Variants in CHERP observed in about 807,000 individuals in gnomAD.
The protein encoded by CHERP is ERPROT 213-21.
Under a neutral mutation model 113.8 loss-of-function variants are expected in CHERP, and 8 were observed. The ratio of observed to expected loss-of-function variants is 0.07; its 90% CI spans 0.04 to 0.13. The LOEUF is 0.13. CHERP is among the 10% of genes least tolerant of loss of function. The probability of loss-of-function intolerance (pLI) is 1.00; values close to 1 mark genes in which losing one functional copy is unlikely to be tolerated. For missense variants in CHERP, 884 were observed against 1,298.2 expected (o/e 0.68, Z 4.90); for synonymous variants, 559 against 524.5 (o/e 1.07, Z -0.90).
chr19:16,539,022 C>T (rs2085759272), intron 2 of CHERP, among the ~76,000 whole-genome samples: 1 of 152,152 alleles, frequency 6.6e-6, no homozygotes, highest in Admixed American at 6.5e-5. Flanking sequence ...CTGTTTGCTC[C>T]CCTGCAGGCC....
At chr19:16,538,577 G>T (rs1049145709) in intron 2 of CHERP, among the ~76,000 whole-genome samples, 3 of 152,180 alleles carry the variant, frequency 2.0e-5, no homozygotes, top group Admixed American at 6.5e-5. Flanking sequence ...CAGCTACTTG[G>T]GAGGCTGAGG....
chr19:16,533,113 C>G lies in CHERP; in HGVS notation c.420G>C (p.Glu140Asp). 6.3e-7 allele frequency: 1 copy of G among 1,586,676 alleles called. No individual in the cohort carries two copies. Among genetic ancestry groups the G allele is most frequent in the Non-Finnish European group, 8.6e-7 (1 of 1,166,772 alleles). The change falls in exon 4 of 17, where the codon GAG becomes GAC. Residue 140 changes from glutamate to aspartate, a missense_variant. By Grantham distance (45) the Glu-to-Asp change is conservative. Coordinates refer to ENST00000546361, the MANE Select transcript of CHERP (RefSeq NM_006387.6). ...CCTCCAGAAGCTTCTGCATCTGCTG[C>G]TCCACCGCGTGGGCCACGGCCGCTG... is the stretch of plus-strand genomic sequence containing the variant. ...QVTAAVAHAV[E>D]QQMQKLLEET... is the part of the protein sequence containing the mutation.
intron 2 of CHERP, chr19:16,541,099 C>A (rs906497194): frequency 3.3e-5 from 5 of 152,044 alleles, no homozygotes. Context: ...CTGAACTACA[C>A]GCTCGCCGAA....
rs972590017 is a variant in CHERP at position 16,520,726 on chromosome 19, G to A, written c.2201+100C>T. ...AAACACCGCCCCATAGGCACAGGCT[G>A]TGTGAGGGTGGACGTGATGAGTGTA... is the stretch of plus-strand genomic sequence containing the variant. On this transcript the variant is annotated intron_variant, in intron 13 of 16. Coordinates refer to ENST00000546361, the MANE Select transcript of CHERP (RefSeq NM_006387.6). The surrounding 1 kb of genome is among the most constrained non-coding windows in gnomAD (Gnocchi z 4.0). 4 of 1,273,858 alleles carry A rather than the reference G, an allele frequency of 3.1e-6. No homozygotes were observed. The highest frequency in any genetic ancestry group is 1.7e-5 in the Admixed American group (1 of 59,140). The allele number at this position is 1,273,858 out of a possible 1,614,324, so 78.9% of individuals were successfully genotyped here. A position where few individuals can be genotyped will look rare whatever the true frequency, so the allele number is the denominator to read the frequency against.
In CHERP at chr19:16,528,230, C is replaced by T. The variant is rs768057963; in HGVS notation, c.1155G>A (p.Met385Ile). Residue 385 changes from methionine to isoleucine, a missense_variant, in exon 9 of 17, where the codon ATG becomes ATA. Met to Ile is a conservative substitution (Grantham distance 10, BLOSUM62 1). Around this residue, in one of 8 missense-constraint regions of CHERP, gnomAD observed 464 missense variants for 590.1 expected, o/e 0.79. Transcript: ENST00000546361. ...QPDDSKPPIQ[M>I]PGSSEYEAPG... ...GAGCTTCGTACTCTGAAGAGCCAGG[C>T]ATCTGGATGGGAGGCTTGCTGTCAT... 2 of 1,594,160 alleles carry T rather than the reference C, an allele frequency of 1.3e-6. No homozygotes were observed. Among genetic ancestry groups the T allele is most frequent in the Admixed American group, 1.8e-5 (1 of 54,878 alleles).
intron 2 of CHERP, 119 bp downstream of exon 2, chr19:16,541,751 G>A (rs1423241269): frequency 6.7e-6 from 7 of 1,051,064 alleles, no homozygotes; most frequent in Admixed American, 2.2e-5. Context: ...CGTGTGGACC[G>A]AGCTGCTCCA....
At chr19:16,524,729 A>G (rs2085644921) in intron 10 of CHERP, among the ~76,000 whole-genome samples, 1 of 151,924 alleles carries the variant, frequency 6.6e-6, no homozygotes, top group Non-Finnish European at 1.5e-5. Context: ...CTCTATTTAA[A>G]ATAAAATAAA....
At chr19:16,542,146 G>T (rs1471376032) in intron 1 of CHERP, 103 bp from the exon 2 acceptor site, 111 of 1,363,698 alleles carry the variant, frequency 8.1e-5, no homozygotes, top group Non-Finnish European at 1.0e-4. Flanking sequence ...GACCCCAAGG[G>T]GGTGGGCCCC....
rs2085736972 is a variant in CHERP at position 16,535,699 on chromosome 19, G to A, written c.200-63C>T. 4.2e-6 allele frequency: 6 copies of A among 1,412,576 alleles called. No individual in the cohort carries two copies. Among genetic ancestry groups the A allele is most frequent in the Non-Finnish European group, 5.6e-6 (6 of 1,073,024 alleles). The allele number at this position is 1,412,576 out of a possible 1,614,324, so 87.5% of individuals were successfully genotyped here. A position where few individuals can be genotyped will look rare whatever the true frequency, so the allele number is the denominator to read the frequency against. Reference sequence around the variant, plus strand: ...AGATGGGGGTCTAGGTGTCCCCTTGGCCACCTCTCAGCCACAGGGGCCTCC... The same window carrying A: ...AGATGGGGGTCTAGGTGTCCCCTTGACCACCTCTCAGCCACAGGGGCCTCC... On this transcript the variant is annotated intron_variant, in intron 2 of 16. Coordinates refer to ENST00000546361, the MANE Select transcript of CHERP (RefSeq NM_006387.6). The surrounding 1 kb of genome is among the most constrained non-coding windows in gnomAD (Gnocchi z 4.3).
chr19:16,538,929 C>T (rs1266151400), intron 2 of CHERP, among the ~76,000 whole-genome samples: 2 of 151,972 alleles, frequency 1.3e-5, no homozygotes. Flanking sequence ...CCCCTTCACC[C>T]CACCTGCCCC....
In CHERP at chr19:16,523,029, T is replaced by A; in HGVS notation, c.1980+23A>T. On this transcript the variant is annotated intron_variant, in intron 11 of 16. Coordinates refer to ENST00000546361, the MANE Select transcript of CHERP (RefSeq NM_006387.6). This position sits in a 1 kb window ranked among gnomAD's most constrained non-coding sequence, Gnocchi z 4.0. ...ACCAGTATGGTAAGCGTGCTCAGCTTGGAGCCCACTGTGGGGCATTACCTT... is the reference window on the plus strand; with the variant it reads ...ACCAGTATGGTAAGCGTGCTCAGCTAGGAGCCCACTGTGGGGCATTACCTT... 1 of 1,498,356 alleles carries A rather than the reference T, an allele frequency of 6.7e-7. No individual in the cohort carries two copies. Among genetic ancestry groups the A allele is most frequent in the Non-Finnish European group, 8.9e-7 (1 of 1,127,410 alleles). 92.8% of individuals were successfully genotyped at this position (1,498,356 alleles called of 1,614,324 possible). A position where few individuals can be genotyped will look rare whatever the true frequency, so the allele number is the denominator to read the frequency against.
chr19:16,530,141 G>GC lies in CHERP; in HGVS notation c.877-242dup, dbSNP rs1376837282. ...TTACGACTCCCTGATAACAGAACGA[G>GC]CAACGACAGCCGTGTCCTGGCCGCT... On this transcript the variant is annotated intron_variant, in intron 7 of 16. Coordinates refer to ENST00000546361, the MANE Select transcript of CHERP (RefSeq NM_006387.6). This position sits in a 1 kb window ranked among gnomAD's most constrained non-coding sequence, Gnocchi z 4.1. 6.6e-6 allele frequency among the ~76,000 whole-genome samples: 1 copy of GC among 152,214 alleles called. No individual in the cohort carries two copies. The highest frequency in any genetic ancestry group is 1.5e-5 in the Non-Finnish European group (1 of 68,036).
chr19:16,520,018 G>T lies in CHERP; in HGVS notation c.2462+131C>A, dbSNP rs1221360883. The T allele has an allele frequency of 1.1e-6, 1 of 946,840 alleles. No homozygotes were observed. The highest frequency in any genetic ancestry group is 1.6e-6 in the Non-Finnish European group (1 of 613,166). The allele number at this position is 946,840 out of a possible 1,614,324, so 58.7% of individuals were successfully genotyped here. A position where few individuals can be genotyped will look rare whatever the true frequency, so the allele number is the denominator to read the frequency against. The stretch of plus-strand genomic sequence containing the variant: ...GTGGCTACTGTGGTGAAGGGTGAGG[G>T]GTGCCACTGTCCCCGGGCTAATGCT... On this transcript the variant is annotated intron_variant, in intron 15 of 16. Transcript: ENST00000546361. This position sits in a 1 kb window ranked among gnomAD's most constrained non-coding sequence, Gnocchi z 4.0.
At chr19:16,537,713 C>T (rs2085751098) in intron 2 of CHERP, among the ~76,000 whole-genome samples, 1 of 152,028 alleles carries the variant, frequency 6.6e-6, no homozygotes, top group Non-Finnish European at 1.5e-5. Context: ...TCTGCTGTCA[C>T]CTGCGTCACC....
rs2122255190 is a variant in CHERP at position 16,525,229 on chromosome 19, C to T, written c.1741+13G>A. On this transcript the variant is annotated intron_variant, in intron 10 of 16. Transcript: ENST00000546361. This position sits in a 1 kb window ranked among gnomAD's most constrained non-coding sequence, Gnocchi z 6.5. ...GCCTCCGCCAGGCCCTACCCAGGCG[C>T]CCGTACACTCACCGGCAGGGAAGTC... 5.6e-6 allele frequency: 8 copies of T among 1,425,278 alleles called. No homozygotes were observed. Among genetic ancestry groups the T allele is most frequent in the Non-Finnish European group, 6.4e-6 (7 of 1,088,366 alleles). The allele number at this position is 1,425,278 out of a possible 1,614,324, so 88.3% of individuals were successfully genotyped here.
At chr19:16,531,475 GC>G (rs1211874580) in intron 5 of CHERP, among the ~76,000 whole-genome samples, 3 of 152,198 alleles carry the variant, frequency 2.0e-5, no homozygotes, top group African/African-American at 7.2e-5. Flanking sequence ...GGAGGCCCCT[GC>G]CGCTGCGCAG....
rs759605418 is a variant in CHERP, at chr19:16,530,576, G to C, written c.876+9C>G. ...CTAGGGTGAGGTGTGGGTGGGCAGG[G>C]ACACTCACCTGGTACTGACCAAGCC... On this transcript the variant is annotated intron_variant, in intron 7 of 16. Transcript: ENST00000546361. The surrounding 1 kb of genome is among the most constrained non-coding windows in gnomAD (Gnocchi z 4.1). 1.9e-6 allele frequency: 3 copies of C among 1,613,102 alleles called. No individual in the cohort carries two copies. The highest frequency in any genetic ancestry group is 1.7e-6 in the Non-Finnish European group (2 of 1,179,174).
chr19:16,518,838 A>T lies in CHERP; in HGVS notation c.*321T>A. 2.9e-6 allele frequency: 1 copy of T among 349,146 alleles called. No homozygotes were observed. Among genetic ancestry groups the T allele is most frequent in the Admixed American group, 4.8e-5 (1 of 20,666 alleles). 21.6% of individuals were successfully genotyped at this position (349,146 alleles called of 1,614,324 possible). A position where few individuals can be genotyped will look rare whatever the true frequency, so the allele number is the denominator to read the frequency against. On this transcript the variant is annotated 3_prime_UTR_variant, in exon 17 of 17. Coordinates refer to ENST00000546361, the MANE Select transcript of CHERP (RefSeq NM_006387.6). ...CTTCAATCTGACTTAGGGCAGATGC[A>T]CATCCATCCCTTCGTGGCTGAAGAA...
chr19:16,541,889 C>T lies in CHERP; in HGVS notation c.180G>A (p.Leu60=). The change falls in exon 2 of 17, where the codon CTG becomes CTA. Residue 60 remains leucine, a synonymous_variant. Coordinates refer to ENST00000546361, the MANE Select transcript of CHERP (RefSeq NM_006387.6). The stretch of plus-strand genomic sequence containing the variant: ...ACTCACGCTGCTGCTGCTCCAGCGC[C>T]AGCTTGCACTTGTAGTAACTGTAGA... ...GEFYSYYKCK[L]ALEQQQLICK... is the part of the protein sequence containing the mutation. The T allele has an allele frequency of 1.9e-6, 3 of 1,612,926 alleles. No homozygotes were observed. Among genetic ancestry groups the T allele is most frequent in the Non-Finnish European group, 2.5e-6 (3 of 1,179,776 alleles).
Sources: gnomAD v4.1 joint callset for allele counts (sites outside exome capture counted in the v4.1 genomes callset) on GRCh38, gnomAD v4.1.1 for gene constraint, gnomAD v4.1.1 regional missense constraint, Gnocchi (gnomAD v3.1) non-coding constraint, MANE v1.5 for transcripts, NCBI Gene and HGNC (gene_info 2026-07-23, HGNC 2026-07-21) for gene names.